VAT1L: variants seen among roughly 807,000 people sequenced by gnomAD.
The protein encoded by VAT1L is vesicle amine transport 1 like.
Under a neutral mutation model 44.1 loss-of-function variants are expected in VAT1L, and 34 were observed. That is an observed-to-expected ratio of 0.77 (90% confidence interval 0.59 to 1.03). The LOEUF (loss-of-function observed/expected upper bound fraction) is 1.03, where lower values mean the gene tolerates loss of function less well. VAT1L is among the 50% of genes least tolerant of loss of function. The pLI, the probability that VAT1L is intolerant of heterozygous loss-of-function variation, is 0.00. For missense variants in VAT1L, 615 were observed against 538.8 expected, an observed-to-expected ratio of 1.14 and a Z score of -1.40; for synonymous variants, 253 against 202.2, an observed-to-expected ratio of 1.25 and a Z score of -2.13.
At chr16:77,831,203 G>C (rs1380514406) in intron 3 of VAT1L, among the ~76,000 whole-genome samples, 1 of 152,130 alleles carries the variant, frequency 6.6e-6, no homozygotes, top group East Asian at 1.9e-4. Context: ...AAAGAACTTA[G>C]TTTTTATAAA....
intron 2 of VAT1L, among the ~76,000 whole-genome samples, chr16:77,821,222 G>A (rs966061692): frequency 2.0e-5 from 3 of 151,970 alleles, no homozygotes; most frequent in Non-Finnish European, 4.4e-5. Flanking sequence ...CATGTAAAAG[G>A]ATAAGTCAAT....
chr16:77,795,848 CAG>C (rs1482472530), intron 1 of VAT1L, among the ~76,000 whole-genome samples: 1 of 99,448 alleles, frequency 1.0e-5, no homozygotes. Context: ...TCATTTGAGA[CAG>C]AGTTTTGCAC....
intron 7 of VAT1L, among the ~76,000 whole-genome samples, chr16:77,939,220 G>A (rs566872685): frequency 6.6e-6 from 1 of 152,304 alleles, no homozygotes; most frequent in Admixed American, 6.5e-5. Context: ...AGGACTAAAC[G>A]CTTAACCAAT....
At chr16:77,805,831 T>C (rs2016146138) in intron 1 of VAT1L, among the ~76,000 whole-genome samples, 1 of 151,190 alleles carries the variant, frequency 6.6e-6, no homozygotes, top group South Asian at 2.1e-4. Context: ...TATCTGCTTG[T>C]TACTTTTTGT....
intron 3 of VAT1L, among the ~76,000 whole-genome samples, chr16:77,854,830 T>A (rs1162988401): frequency 6.6e-6 from 1 of 152,202 alleles, no homozygotes; most frequent in Admixed American, 6.5e-5. Context: ...AGAAGAGATA[T>A]ACAAAATTCT....
intron 1 of VAT1L, among the ~76,000 whole-genome samples, chr16:77,816,496 G>A (rs976191865): frequency 6.6e-6 from 1 of 152,152 alleles, no homozygotes; most frequent in African/African-American, 2.4e-5. Flanking sequence ...GTGGCCATTA[G>A]GTCTGGCTGC....
intron 7 of VAT1L, among the ~76,000 whole-genome samples, chr16:77,951,442 A>G: frequency 6.6e-6 from 1 of 152,180 alleles, no homozygotes; most frequent in East Asian, 1.9e-4. Context: ...GCTACTCGGG[A>G]GGCTGAAGCA....
chr16:77,954,099 C>A (rs1048112059), intron 7 of VAT1L, among the ~76,000 whole-genome samples: 1 of 152,092 alleles, frequency 6.6e-6, no homozygotes, highest in Non-Finnish European at 1.5e-5. Flanking sequence ...TTTTGAGCGG[C>A]CACATGGAGA....
chr16:77,799,326 T>C (rs904341794), intron 1 of VAT1L, among the ~76,000 whole-genome samples: 6 of 147,556 alleles, frequency 4.1e-5, no homozygotes, highest in Non-Finnish European at 6.0e-5. Context: ...GTCTTTCCCC[T>C]TTTCTCCCTC....
At chr16:77,866,313 G>A (rs1179745304) in intron 4 of VAT1L, among the ~76,000 whole-genome samples, 2 of 152,150 alleles carry the variant, frequency 1.3e-5, no homozygotes, top group Admixed American at 6.5e-5. Context: ...TAGTTCAGTC[G>A]ATTATGCCAC....
At chr16:77,834,478 G>A (rs1015263185) in intron 3 of VAT1L, among the ~76,000 whole-genome samples, 1 of 152,108 alleles carries the variant, frequency 6.6e-6, no homozygotes, top group African/African-American at 2.4e-5. Flanking sequence ...ATCACTTCCA[G>A]GCCTGCCCCG....
rs151275500 is a variant in VAT1L at position 77,831,982 on chromosome 16, A to ATTTTT, written c.579+6535_579+6539dup. Among the ~76,000 whole-genome samples, 340 of 125,954 alleles carry ATTTTT rather than the reference A, an allele frequency of 2.7e-3. 6 individuals carry two copies. Among genetic ancestry groups the ATTTTT allele is most frequent in the Non-Finnish European group, 3.6e-3 (222 of 62,132 alleles). 82.6% of individuals were successfully genotyped at this position (125,954 alleles called of 152,430 possible). ...AGGCGCCCACCACCATGCCCGGCTA[A>ATTTTT]TTTTTTTTTTTTTTTTTTGTATTTT... On this transcript the variant is annotated intron_variant, in intron 3 of 8. Transcript: ENST00000302536.
At chr16:77,893,011 CT>C (rs2017284879) in intron 7 of VAT1L, 1 of 612,606 alleles carries the variant, frequency 1.6e-6, no homozygotes, top group Non-Finnish European at 2.9e-6. Flanking sequence ...ATCCTATCAT[CT>C]TTGTGCGCTC....
rs545818600 is a variant in VAT1L, at chr16:77,788,661, G to A, written c.-22G>A. The A allele has an allele frequency of 2.5e-4, 387 of 1,546,864 alleles. 9 individuals are homozygous for A. The South Asian group carries it at 4.5e-3, about 18-fold the overall frequency. On this transcript the variant is annotated 5_prime_UTR_variant, in exon 1 of 9. Transcript: ENST00000302536. ...AGCCACCGCAGCCACCGCAGCCCGT[G>A]CGCCCCGCGCCCTCGAGCGCCATGG... is the stretch of plus-strand genomic sequence containing the variant.
chr16:77,919,212 A>C (rs1301063936), intron 7 of VAT1L, among the ~76,000 whole-genome samples: 1 of 122,604 alleles, frequency 8.2e-6, no homozygotes, highest in Non-Finnish European at 1.9e-5. Context: ...CTTTCTCTGC[A>C]ACCTAGGTGT....
At chr16:77,822,574 T>C (rs1298387272) in intron 2 of VAT1L, among the ~76,000 whole-genome samples, 1 of 151,996 alleles carries the variant, frequency 6.6e-6, no homozygotes, top group Non-Finnish European at 1.5e-5. Flanking sequence ...GAGCCACAGA[T>C]AACATACAGA....
intron 7 of VAT1L, among the ~76,000 whole-genome samples, chr16:77,916,225 C>G (rs938477732): frequency 1.3e-5 from 2 of 152,134 alleles, no homozygotes; most frequent in Admixed American, 6.6e-5. Context: ...TTCGTGCACT[C>G]AACAGTGGGG....
chr16:77,894,356 C>T (rs772658451), intron 7 of VAT1L, among the ~76,000 whole-genome samples: 6 of 152,158 alleles, frequency 3.9e-5, no homozygotes, highest in African/African-American at 1.4e-4. Context: ...TTTCAGAAAG[C>T]AGTGTCAGTA....
chr16:77,825,451 GT>G lies in VAT1L; in HGVS notation c.570del (p.Gly192AlafsTer16). On this transcript the variant is annotated frameshift_variant, in exon 3 of 9. Coordinates refer to ENST00000302536, the MANE Select transcript of VAT1L (RefSeq NM_020927.3). LOFTEE classifies it high-confidence loss of function. ...EGMSVLVHSAGGGVGQAVAQL... is the reference protein window; with the variant it reads ...EGMSVLVHSAXGGVGQAVAQL... The stretch of plus-strand genomic sequence containing the variant: ...ATGTCTGTGCTCGTGCACTCAGCTG[GT>G]GGGGGCGTGGTAAGTCAGCTGTTTG... The G allele has an allele frequency of 6.3e-7, 1 of 1,585,394 alleles. No homozygotes were observed. The highest frequency in any genetic ancestry group is 8.6e-7 in the Non-Finnish European group (1 of 1,164,390).
Sources: gnomAD v4.1 joint callset for allele counts (sites outside exome capture counted in the v4.1 genomes callset) on GRCh38, gnomAD v4.1.1 for gene constraint, MANE v1.5 for transcripts, NCBI Gene and HGNC (gene_info 2026-07-23, HGNC 2026-07-21) for gene names.